Variants in SYT16 observed in about 807,000 individuals in gnomAD.
SYT16 encodes the protein synaptotagmin 16.
A neutral mutation model predicts 61.4 loss-of-function variants in SYT16; 42 were observed. The observed-to-expected ratio is 0.68, with a 90% CI of 0.53 to 0.89. The LOEUF (loss-of-function observed/expected upper bound fraction) is 0.89, where lower values mean the gene tolerates loss of function less well. Among genes scored for constraint, SYT16 ranks in the 40% least tolerant of loss-of-function variants. The pLI is 0.00. For synonymous variants in SYT16, 314 were observed against 302.3 expected, an observed-to-expected ratio of 1.04 and a Z score of -0.40; for missense variants, 804 against 807.3, an observed-to-expected ratio of 1.00 and a Z score of 0.05.
chr14:62,050,733 T>A (rs2055240062), intron 3 of SYT16, among the ~76,000 whole-genome samples: 1 of 152,148 alleles, frequency 6.6e-6, no homozygotes. Context: ...TTGCTGGAGG[T>A]CCACGCCAGA....
intron 2 of SYT16, among the ~76,000 whole-genome samples, chr14:61,986,973 CTTG>C (rs1250389593): frequency 6.6e-6 from 1 of 152,064 alleles, no homozygotes; most frequent in Non-Finnish European, 1.5e-5. Flanking sequence ...CATAGAAAGT[CTTG>C]TTTAGTGAGA....
intron 1 of SYT16, among the ~76,000 whole-genome samples, chr14:61,857,287 C>T (rs2046806409): frequency 6.6e-6 from 1 of 152,186 alleles, no homozygotes; most frequent in South Asian, 2.1e-4. Context: ...TTCTCTACTT[C>T]TGGGATTTGC....
chr14:61,816,740 G>A (rs939751256), intron 1 of SYT16, among the ~76,000 whole-genome samples: 14 of 152,084 alleles, frequency 9.2e-5, no homozygotes, highest in Non-Finnish European at 1.6e-4. Context: ...GGCCGGGCGC[G>A]GTGGCTCACG....
At chr14:61,921,826 A>G (rs371596669) in intron 1 of SYT16, among the ~76,000 whole-genome samples, 1 of 152,214 alleles carries the variant, frequency 6.6e-6, no homozygotes, top group Non-Finnish European at 1.5e-5. Flanking sequence ...CACATGCCCT[A>G]TTGGAAGTGG....
At chr14:61,883,767 T>G (rs575189209) in intron 1 of SYT16, among the ~76,000 whole-genome samples, 14 of 152,150 alleles carry the variant, frequency 9.2e-5, no homozygotes, top group African/African-American at 2.9e-4. Flanking sequence ...GTCTGGCTGT[T>G]TTATAAAGGA....
At chr14:61,892,380 T>G (rs1406033443) in intron 1 of SYT16, among the ~76,000 whole-genome samples, 1 of 152,110 alleles carries the variant, frequency 6.6e-6, no homozygotes, top group Non-Finnish European at 1.5e-5. Context: ...TTGCCCTCGC[T>G]TTGTCCCCAC....
rs990605933 is a variant in SYT16 at position 62,102,394 on chromosome 14, C to G, written c.*1687C>G. ...GCCAAATAAATTAATACCTTAATTA[C>G]TTTTCAGGTCATGGGAGTTTCATAT... is the stretch of plus-strand genomic sequence containing the variant. On this transcript the variant is annotated 3_prime_UTR_variant, in exon 8 of 8. Coordinates refer to ENST00000683842, the MANE Select transcript of SYT16 (RefSeq NM_001367656.1). 2.0e-5 allele frequency: 3 copies of G among 152,168 alleles called. No individual in the cohort carries two copies. The highest frequency in any genetic ancestry group is 4.4e-5 in the Non-Finnish European group (3 of 68,038). The allele number at this position is 152,168 out of a possible 1,614,324, so 9.4% of individuals were successfully genotyped here.
chr14:62,102,154 T>C lies in SYT16; in HGVS notation c.*1447T>C, dbSNP rs1160125189. ...TGTCTGTGGGAAGAGTGATAGCTAG[T>C]GATGGCTGTATACAGTTAAAAACAC... is the stretch of plus-strand genomic sequence containing the variant. On this transcript the variant is annotated 3_prime_UTR_variant, in exon 8 of 8. Transcript: ENST00000683842. 6.6e-6 allele frequency: 1 copy of C among 152,226 alleles called. No homozygotes were observed. The highest frequency in any genetic ancestry group is 1.9e-4 in the East Asian group (1 of 5,194). The allele number at this position is 152,226 out of a possible 1,614,324, so 9.4% of individuals were successfully genotyped here.
intron 1 of SYT16, chr14:61,864,883 G>A: frequency 8.1e-7 from 1 of 1,227,476 alleles, no homozygotes; most frequent in East Asian, 2.3e-5. Flanking sequence ...CGGAGACAGT[G>A]ACCAACTGCG....
intron 1 of SYT16, among the ~76,000 whole-genome samples, chr14:61,901,317 C>T (rs1221113340): frequency 4.6e-5 from 7 of 152,206 alleles, no homozygotes; most frequent in African/African-American, 9.7e-5. Flanking sequence ...ATACAAGGCA[C>T]GTAATATGTG....
At chr14:61,900,311 C>T (rs2048468418) in intron 1 of SYT16, among the ~76,000 whole-genome samples, 1 of 152,118 alleles carries the variant, frequency 6.6e-6, no homozygotes, top group Non-Finnish European at 1.5e-5. Context: ...GTGCCTTCCA[C>T]CACGCCCAGC....
chr14:61,890,564 AAAG>A, intron 1 of SYT16, among the ~76,000 whole-genome samples: 1 of 151,940 alleles, frequency 6.6e-6, no homozygotes, highest in Non-Finnish European at 1.5e-5. Flanking sequence ...CTTCTTTTTA[AAAG>A]AAGCTCTTTT....
chr14:62,031,929 A>G (rs1030756545), intron 3 of SYT16, among the ~76,000 whole-genome samples: 2 of 152,172 alleles, frequency 1.3e-5, no homozygotes, highest in East Asian at 3.9e-4. Context: ...ACTTCATCTG[A>G]ACCCTAAAAG....
At chr14:61,929,244 C>T (rs190061) in intron 1 of SYT16, among the ~76,000 whole-genome samples, 6,114 of 152,276 alleles carry the variant, frequency 0.04, 372 homozygotes, top group East Asian at 0.15. Flanking sequence ...TGCTCACTAA[C>T]CCCTCAGGTT....
At chr14:61,896,698 C>G (rs1445247586) in intron 1 of SYT16, among the ~76,000 whole-genome samples, 4 of 152,128 alleles carry the variant, frequency 2.6e-5, no homozygotes, top group Non-Finnish European at 5.9e-5. Flanking sequence ...AAATAGGGAC[C>G]TTGTCACACT....
intron 3 of SYT16, among the ~76,000 whole-genome samples, chr14:61,998,826 G>A (rs890496319): frequency 1.3e-5 from 2 of 151,840 alleles, no homozygotes; most frequent in Non-Finnish European, 2.9e-5. Context: ...TTATGGTGAA[G>A]TTCCCTTGTA....
At chr14:61,946,632 G>T (rs1415557784) in intron 1 of SYT16, among the ~76,000 whole-genome samples, 1 of 152,184 alleles carries the variant, frequency 6.6e-6, no homozygotes, top group African/African-American at 2.4e-5. Context: ...CTACAGAGCT[G>T]ATGGAAATGG....
intron 1 of SYT16, among the ~76,000 whole-genome samples, chr14:61,920,954 T>G (rs1566681517): frequency 6.6e-6 from 1 of 152,186 alleles, no homozygotes; most frequent in African/African-American, 2.4e-5. Flanking sequence ...TCATAACTAC[T>G]AGGTTAAGCA....
rs548285714 is a variant in SYT16 at position 61,865,257 on chromosome 14, A to C, written c.-325+52447A>C. ...TTGCTGGACATCAGGCCTAAGATGG[A>C]GGTGAGCATCTGTCTTTTGCCTCAT... On this transcript the variant is annotated intron_variant, in intron 1 of 7. Transcript: ENST00000683842. 8.2e-6 allele frequency: 7 copies of C among 851,572 alleles called. No individual in the cohort carries two copies. In the East Asian group the frequency reaches 1.7e-4, roughly 21 times the overall value. The allele number at this position is 851,572 out of a possible 1,614,324, so 52.8% of individuals were successfully genotyped here. A position where few individuals can be genotyped will look rare whatever the true frequency, so the allele number is the denominator to read the frequency against.
Sources: gnomAD v4.1 joint callset for allele counts (sites outside exome capture counted in the v4.1 genomes callset) on GRCh38, gnomAD v4.1.1 for gene constraint, MANE v1.5 for transcripts, NCBI Gene and HGNC (gene_info 2026-07-23, HGNC 2026-07-21) for gene names.